MALRD1: variants seen among roughly 807,000 people sequenced by gnomAD.
The protein encoded by MALRD1 is MAM and LDL receptor class A domain containing 1, also known as MAM and LDL-receptor class A domain-containing protein 1.
MALRD1 carries 247 observed loss-of-function variants against 242.1 expected under a neutral mutation model. The ratio of observed to expected loss-of-function variants is 1.02; its 90% CI spans 0.92 to 1.13. The LOEUF (loss-of-function observed/expected upper bound fraction) is 1.13. Ranked by LOEUF, MALRD1 falls within the 50% of genes most tolerant of loss-of-function variation. The pLI is 0.00. For synonymous variants in MALRD1, 995 were observed against 866.6 expected, an observed-to-expected ratio of 1.15 and a Z score of -2.60; for missense variants, 2,989 against 2,533.1, an observed-to-expected ratio of 1.18 and a Z score of -3.86.
At chr10:19,273,183 A>G (rs1306891006) in intron 19 of MALRD1, among the ~76,000 whole-genome samples, 4 of 152,340 alleles carry the variant, frequency 2.6e-5, no homozygotes, top group Admixed American at 2.0e-4. Flanking sequence ...TATAATTTTT[A>G]CAATCTCAAT....
intron 28 of MALRD1, among the ~76,000 whole-genome samples, chr10:19,435,646 A>AGTCC (rs1487703278): frequency 6.6e-6 from 1 of 152,200 alleles, no homozygotes; most frequent in South Asian, 2.1e-4. Flanking sequence ...TCATGTCAAG[A>AGTCC]GTCCGTAGTA....
At chr10:19,621,536 G>A (rs1839403357) in intron 36 of MALRD1, among the ~76,000 whole-genome samples, 1 of 151,312 alleles carries the variant, frequency 6.6e-6, no homozygotes, top group African/African-American at 2.4e-5. Flanking sequence ...GCAAAAGTAA[G>A]GAAATGGAAA....
chr10:19,491,411 C>T (rs1189408780), intron 29 of MALRD1, 106 bp from the exon 30 acceptor site: 2 of 1,352,226 alleles, frequency 1.5e-6, no homozygotes, highest in African/African-American at 2.9e-5. Flanking sequence ...TGTTGAAATC[C>T]TTAACTTGCT....
intron 26 of MALRD1, among the ~76,000 whole-genome samples, chr10:19,360,496 AC>A (rs1844844243): frequency 6.6e-6 from 1 of 152,018 alleles, no homozygotes; most frequent in Admixed American, 6.6e-5. Context: ...TAGATTGTCT[AC>A]CCATCCCTGC....
intron 12 of MALRD1, among the ~76,000 whole-genome samples, chr10:19,158,800 TATA>T (rs1834274192): frequency 1.3e-5 from 2 of 152,180 alleles, no homozygotes; most frequent in African/African-American, 4.8e-5. Flanking sequence ...GTGAGTCCAG[TATA>T]ATAATAACAC....
chr10:19,716,698 A>T (rs1431835882), intron 38 of MALRD1: 1 of 152,222 alleles, frequency 6.6e-6, no homozygotes, highest in East Asian at 1.9e-4. Flanking sequence ...GTTTCTTAAA[A>T]TGCAGTTGTA....
intron 36 of MALRD1, among the ~76,000 whole-genome samples, chr10:19,629,119 AC>A (rs1839802489): frequency 6.6e-6 from 1 of 152,114 alleles, no homozygotes; most frequent in African/African-American, 2.4e-5. Context: ...CCCTGTCTGC[AC>A]CCCTTCCCAA....
At chr10:19,604,005 T>C (rs1446009726) in intron 34 of MALRD1, among the ~76,000 whole-genome samples, 1 of 152,160 alleles carries the variant, frequency 6.6e-6, no homozygotes. Flanking sequence ...TACAATAGCT[T>C]CTACGTATTC....
chr10:19,453,341 G>A (rs12357055), intron 29 of MALRD1, among the ~76,000 whole-genome samples: 32,514 of 152,100 alleles, frequency 0.21, 3,750 homozygotes, highest in Middle Eastern at 0.32. Flanking sequence ...GAGGAGGTGA[G>A]TGGTTACTTA....
rs747282750 is a variant in MALRD1 at position 19,450,458 on chromosome 10, T to C, written c.4997T>C (p.Ile1666Thr). The C allele has an allele frequency of 1.4e-5, 21 of 1,549,812 alleles. No individual in the cohort carries two copies. The South Asian group carries it at 2.3e-4, about 17-fold the overall frequency. ...RTRDLGGGAA[I>T]DDIEFKNCTT... ...AGGGACCTGGGAGGAGGAGCTGCAATTGATGATATTGAATTTAAAAACTGC... is the reference window on the plus strand; with the variant it reads ...AGGGACCTGGGAGGAGGAGCTGCAACTGATGATATTGAATTTAAAAACTGC... Residue 1666 changes from isoleucine (I) to threonine (T), a missense_variant, in exon 29 of 40, where the codon ATT (isoleucine) becomes ACT (threonine). Coordinates refer to ENST00000454679, the MANE Select transcript of MALRD1 (RefSeq NM_001142308.3).
chr10:19,602,022 C>A (rs1034088644), intron 34 of MALRD1, among the ~76,000 whole-genome samples: 1 of 151,682 alleles, frequency 6.6e-6, no homozygotes, highest in Non-Finnish European at 1.5e-5. Context: ...TGTGTGCATA[C>A]AAAATAAAAT....
chr10:19,728,376 T>G (rs1835138321), intron 38 of MALRD1: 1 of 152,218 alleles, frequency 6.6e-6, no homozygotes, highest in Non-Finnish European at 1.5e-5. Flanking sequence ...ATAATTGAAT[T>G]AACAGAGCTG....
chr10:19,730,750 A>G lies in MALRD1; in HGVS notation c.6359A>G (p.Tyr2120Cys). 2 of 1,536,726 alleles carry G rather than the reference A, an allele frequency of 1.3e-6. No homozygotes were observed. The highest frequency in any genetic ancestry group is 1.7e-6 in the Non-Finnish European group (2 of 1,147,038). Residue 2120 changes from tyrosine (Y) to cysteine (C), a missense_variant, in exon 39 of 40, where the codon TAC (tyrosine) becomes TGC (cysteine). Tyr to Cys is a radical substitution (Grantham distance 194, BLOSUM62 -2). Transcript: ENST00000454679. ...AACTGTGCCTTTGTCAATCCAGTTTACGGGAACTGGAGCAACCCAGAGAAA... is the reference window on the plus strand; with the variant it reads ...AACTGTGCCTTTGTCAATCCAGTTTGCGGGAACTGGAGCAACCCAGAGAAA... The part of the protein sequence containing the change: ...SGNCAFVNPV[Y>C]GNWSNPEKTE...
At chr10:19,326,321 CTTGGTA>C (rs1263493747) in intron 22 of MALRD1, among the ~76,000 whole-genome samples, 4 of 151,944 alleles carry the variant, frequency 2.6e-5, no homozygotes, top group East Asian at 1.9e-4. Context: ...CAGTATAAAA[CTTGGTA>C]TTGGTAGATG....
chr10:19,182,468 G>T (rs1198923137), intron 14 of MALRD1, among the ~76,000 whole-genome samples: 1 of 149,714 alleles, frequency 6.7e-6, no homozygotes, highest in Non-Finnish European at 1.5e-5. Context: ...GGGACAGCAG[G>T]CGCCCGCCAT....
intron 28 of MALRD1, among the ~76,000 whole-genome samples, chr10:19,412,886 A>G (rs1833334108): frequency 6.6e-6 from 1 of 152,208 alleles, no homozygotes; most frequent in South Asian, 2.1e-4. Flanking sequence ...AAGTGTAGAC[A>G]TTTCATGTGT....
chr10:19,258,084 C>G (rs137972508), intron 19 of MALRD1, among the ~76,000 whole-genome samples: 1,596 of 152,132 alleles, frequency 0.01, 20 homozygotes, highest in Middle Eastern at 0.024. Flanking sequence ...AACCATTTGC[C>G]TTATAATTAC....
chr10:19,205,294 T>G, intron 17 of MALRD1, 29 bp downstream of exon 17: 1 of 1,507,980 alleles, frequency 6.6e-7, no homozygotes, highest in Non-Finnish European at 8.9e-7. Flanking sequence ...GGGGATTCTC[T>G]TTCTCATTTT....
At chr10:19,222,993 C>T (rs1248256276) in intron 18 of MALRD1, among the ~76,000 whole-genome samples, 5 of 152,092 alleles carry the variant, frequency 3.3e-5, no homozygotes, top group South Asian at 2.1e-4. Context: ...GAGAGCAAAG[C>T]GATCTATACC....
Sources: gnomAD v4.1 joint callset for allele counts (sites outside exome capture counted in the v4.1 genomes callset) on GRCh38, gnomAD v4.1.1 for gene constraint, MANE v1.5 for transcripts, NCBI Gene and HGNC (gene_info 2026-07-23, HGNC 2026-07-21) for gene names.